FGF12: variants seen among roughly 807,000 people sequenced by gnomAD.
The protein encoded by FGF12 is fibroblast growth factor 12, also known as fibroblast growth factor 12B.
Under a neutral mutation model 23.6 loss-of-function variants are expected in FGF12, and 14 were observed. The ratio of observed to expected loss-of-function variants is 0.59; its 90% CI spans 0.39 to 0.93. The LOEUF is 0.93. FGF12 is among the 40% of genes least tolerant of loss of function. The pLI is 0.00. For synonymous variants in FGF12, 62 were observed against 77.3 expected (o/e 0.80, Z 1.04); for missense variants, 175 against 217.8 (o/e 0.80, Z 1.24).
In FGF12 at chr3:192,319,403, C is replaced by A. The variant is rs1716410076; in HGVS notation, c.228+15958G>T. Among the ~76,000 whole-genome samples, 6 of 152,138 alleles carry A rather than the reference C, an allele frequency of 3.9e-5. No individual in the cohort carries two copies. In the South Asian group the frequency reaches 1.2e-3, roughly 32 times the overall value. On this transcript the variant is annotated intron_variant, in intron 4 of 5. Transcript: ENST00000445105. ...CTTGAGGTCAGGAGTTCAAGACCATCCTGGCCAACATGGTGAAACTTCGCC... is the reference window on the plus strand; with the variant it reads ...CTTGAGGTCAGGAGTTCAAGACCATACTGGCCAACATGGTGAAACTTCGCC...
chr3:192,382,516 C>T (rs554764630), intron 2 of FGF12, among the ~76,000 whole-genome samples: 1 of 152,002 alleles, frequency 6.6e-6, no homozygotes, highest in South Asian at 2.1e-4. Context: ...GTGTGGTCTT[C>T]TCTATTACCT....
intron 2 of FGF12, among the ~76,000 whole-genome samples, chr3:192,431,383 G>T (rs1721853297): frequency 6.6e-6 from 1 of 152,224 alleles, no homozygotes. Context: ...CAAAATAGCT[G>T]GAGTCCCTGA....
chr3:192,595,923 T>A (rs2108626389), intron 2 of FGF12, among the ~76,000 whole-genome samples: 1 of 151,836 alleles, frequency 6.6e-6, no homozygotes, highest in Non-Finnish European at 1.5e-5. Flanking sequence ...TGAAACCCTG[T>A]TTCTACCAAA....
chr3:192,443,193 C>A (rs1722254509), intron 2 of FGF12, among the ~76,000 whole-genome samples: 2 of 152,140 alleles, frequency 1.3e-5, no homozygotes. Context: ...GTTGATACAA[C>A]ACAGAGAAAT....
At chr3:192,718,229 T>C (rs966152041) in intron 2 of FGF12, among the ~76,000 whole-genome samples, 2 of 134,000 alleles carry the variant, frequency 1.5e-5, no homozygotes, top group Admixed American at 8.3e-5. Context: ...AAGAAAACCA[T>C]ATCCACCAAA....
At chr3:192,459,454 A>G (rs937043839) in intron 2 of FGF12, among the ~76,000 whole-genome samples, 5 of 152,244 alleles carry the variant, frequency 3.3e-5, no homozygotes, top group Admixed American at 3.3e-4. Context: ...TTATGATGCT[A>G]CATTCAAAAT....
At chr3:192,694,650 A>G (rs912770124) in intron 2 of FGF12, among the ~76,000 whole-genome samples, 1 of 151,808 alleles carries the variant, frequency 6.6e-6, no homozygotes, top group Non-Finnish European at 1.5e-5. Flanking sequence ...ATATATATAC[A>G]TATATATGTA....
intron 2 of FGF12, among the ~76,000 whole-genome samples, chr3:192,466,025 C>T (rs571251442): frequency 1.3e-5 from 2 of 152,220 alleles, no homozygotes; most frequent in African/African-American, 2.4e-5. Flanking sequence ...GAGCATTGTG[C>T]GATCACCACG....
chr3:192,204,281 C>T (rs1333380010), intron 4 of FGF12, among the ~76,000 whole-genome samples: 1 of 152,152 alleles, frequency 6.6e-6, no homozygotes, highest in Non-Finnish European at 1.5e-5. Flanking sequence ...CAAAGCTGTA[C>T]AGCAGAACTT....
chr3:192,248,724 G>A (rs1711805962), intron 4 of FGF12, among the ~76,000 whole-genome samples: 1 of 152,164 alleles, frequency 6.6e-6, no homozygotes, highest in Non-Finnish European at 1.5e-5. Flanking sequence ...AGGCAGCAGT[G>A]AGCGGTGATT....
At chr3:192,485,124 A>G (rs956653241) in intron 2 of FGF12, among the ~76,000 whole-genome samples, 3 of 151,858 alleles carry the variant, frequency 2.0e-5, no homozygotes, top group African/African-American at 7.3e-5. Context: ...ATCTATCTGT[A>G]TGTATTATAT....
intron 2 of FGF12, among the ~76,000 whole-genome samples, chr3:192,541,982 G>A (rs1011463902): frequency 2.0e-5 from 3 of 150,922 alleles, no homozygotes; most frequent in Non-Finnish European, 4.4e-5. Context: ...GGGGGCCTCA[G>A]CCTCCCAAGC....
Position 192,295,689 on chromosome 3 carries a change from G to A in FGF12, c.228+39672C>T, listed in dbSNP as rs149029771. The stretch of plus-strand genomic sequence containing the variant: ...ATTGTTTTGATAGACTGTCTTAAAG[G>A]TAAATCTAGATTTTCTCTTTAAAGA... On this transcript the variant is annotated intron_variant, in intron 4 of 5. Coordinates refer to ENST00000445105, the MANE Select transcript of FGF12 (RefSeq NM_004113.6). Among the ~76,000 whole-genome samples, 792 of 152,106 alleles carry A rather than the reference G, an allele frequency of 5.2e-3. 3 individuals are homozygous for A. The highest frequency in any genetic ancestry group is 0.018 in the African/African-American group (767 of 41,508).
intron 2 of FGF12, among the ~76,000 whole-genome samples, chr3:192,694,283 C>T (rs989714015): frequency 2.0e-5 from 3 of 152,044 alleles, no homozygotes; most frequent in Admixed American, 6.5e-5. Flanking sequence ...AACAGTTATA[C>T]GTTGTTAGTG....
intron 2 of FGF12, among the ~76,000 whole-genome samples, chr3:192,659,331 CA>C (rs2108682814): frequency 6.6e-6 from 1 of 152,194 alleles, no homozygotes; most frequent in South Asian, 2.1e-4. Context: ...TAATATCTAA[CA>C]ACAGTTTTTC....
chr3:192,166,343 A>G (rs1715160100), intron 5 of FGF12, among the ~76,000 whole-genome samples: 2 of 152,226 alleles, frequency 1.3e-5, no homozygotes, highest in South Asian at 4.1e-4. Flanking sequence ...ATCTGCAAGA[A>G]CTTTTATTTC....
chr3:192,175,326 C>T (rs1356171267), intron 4 of FGF12, among the ~76,000 whole-genome samples: 1 of 152,116 alleles, frequency 6.6e-6, no homozygotes, highest in Non-Finnish European at 1.5e-5. Flanking sequence ...CATGTTGTAT[C>T]TCATGAGTGT....
chr3:192,709,986 A>C (rs1267171194), intron 2 of FGF12, among the ~76,000 whole-genome samples: 1 of 152,228 alleles, frequency 6.6e-6, no homozygotes, highest in Non-Finnish European at 1.5e-5. Context: ...AAAGTGGAAG[A>C]ACAGACAAAT....
At chr3:192,181,257 G>A (rs1181974577) in intron 4 of FGF12, among the ~76,000 whole-genome samples, 1 of 151,948 alleles carries the variant, frequency 6.6e-6, no homozygotes, top group African/African-American at 2.4e-5. Flanking sequence ...ACCTCAGAAA[G>A]GCCACAGGTT....
Sources: gnomAD v4.1 joint callset for allele counts (sites outside exome capture counted in the v4.1 genomes callset) on GRCh38, gnomAD v4.1.1 for gene constraint, MANE v1.5 for transcripts, NCBI Gene and HGNC (gene_info 2026-07-23, HGNC 2026-07-21) for gene names.